The following ALKBH3 variants were observed in gnomAD, a reference collection of about 807,000 sequenced individuals.
ALKBH3 encodes the protein alkB homolog 3, alpha-ketoglutarate dependent dioxygenase, also known as alpha-ketoglutarate-dependent dioxygenase alkB homolog 3.
In ALKBH3, 51 loss-of-function variants were observed where a neutral mutation model predicts 43.9. The observed-to-expected ratio is 1.16, with a 90% CI of 0.93 to 1.47. ALKBH3 has a LOEUF of 1.47. ALKBH3 is among the 40% of genes most tolerant of loss of function. The pLI, the probability that ALKBH3 is intolerant of heterozygous loss-of-function variation, is 0.00. For synonymous variants in ALKBH3, 102 were observed against 115.2 expected (o/e 0.89, Z 0.73); for missense variants, 361 against 351.9 (o/e 1.03, Z -0.21).
At chr11:43,889,985 A>T (rs536487672) in intron 6 of ALKBH3, among the ~76,000 whole-genome samples, 157 bp downstream of exon 6, 1 of 152,332 alleles carries the variant, frequency 6.6e-6, no homozygotes, top group South Asian at 2.1e-4. Context: ...GACAGGGAAG[A>T]GTATTCCAGG....
At chr11:43,902,769 G>C (rs1013053850) in intron 8 of ALKBH3, among the ~76,000 whole-genome samples, 1 of 152,150 alleles carries the variant, frequency 6.6e-6, no homozygotes, top group Admixed American at 6.5e-5. Context: ...GCTAATTTTT[G>C]TATTTTTAGG....
chr11:43,884,021 AG>A lies in ALKBH3; in HGVS notation c.218+5del, dbSNP rs1565122098. On this transcript the variant is annotated splice_donor_5th_base_variant and intron_variant, in intron 4 of 9. Transcript: ENST00000302708. ...CTCCTGAGCCACGAGTGATTGAGTA[AG>A]TAATTTGCTGTCTTCCTGTAATTGT... 1 of 1,613,908 alleles carries A rather than the reference AG, an allele frequency of 6.2e-7. No individual in the cohort carries two copies. The highest frequency in any genetic ancestry group is 1.1e-5 in the South Asian group (1 of 91,066).
rs200314763 is a variant in ALKBH3 at position 43,919,681 on chromosome 11, A to G, written c.769-237A>G. 9.0e-6 allele frequency: 4 copies of G among 446,694 alleles called. No individual in the cohort carries two copies. The East Asian group carries it at 1.6e-4, about 18-fold the overall frequency. The allele number at this position is 446,694 out of a possible 1,614,324, so 27.7% of individuals were successfully genotyped here. A position where few individuals can be genotyped will look rare whatever the true frequency, so the allele number is the denominator to read the frequency against. ...CAGGTGTCTGAGAGGAACAGCAACA[A>G]TTAGAAAAGATGAAAATATCTCACT... On this transcript the variant is annotated intron_variant, in intron 9 of 9. Coordinates refer to ENST00000302708, the MANE Select transcript of ALKBH3 (RefSeq NM_139178.4).
At chr11:43,912,629 A>G (rs1037856887) in intron 8 of ALKBH3, 6 of 152,338 alleles carry the variant, frequency 3.9e-5, no homozygotes, top group Non-Finnish European at 5.9e-5. Flanking sequence ...TGGAAAACCA[A>G]CTGCCTCACT....
At position 43,901,605 on chromosome 11, in the gene ALKBH3, TGAG is replaced by T; in HGVS notation, c.550_552del (p.Glu184del). The T allele has an allele frequency of 6.2e-7, 1 of 1,614,244 alleles. No individual in the cohort carries two copies. The highest frequency in any genetic ancestry group is 8.5e-7 in the Non-Finnish European group (1 of 1,180,036). Reference sequence around the variant, plus strand: ...CCTTACTCTGCAATCTTTATCGCAATGAGAAGGACAGCGTGGACTGGCACAGTG... The same window carrying T: ...CCTTACTCTGCAATCTTTATCGCAATAAGGACAGCGTGGACTGGCACAGTG... On this transcript the variant is annotated inframe_deletion, in exon 8 of 10. Transcript: ENST00000302708.
chr11:43,899,193 T>C (rs1951842634), intron 7 of ALKBH3: 21 of 769,432 alleles, frequency 2.7e-5, no homozygotes, highest in South Asian at 2.5e-4. Context: ...GGGAACAATG[T>C]GCAGCTCATA....
At chr11:43,890,024 A>C (rs1341035469) in intron 6 of ALKBH3, among the ~76,000 whole-genome samples, 196 bp downstream of exon 6, 1 of 152,202 alleles carries the variant, frequency 6.6e-6, no homozygotes, top group Non-Finnish European at 1.5e-5. Flanking sequence ...GAAGGCCCAG[A>C]GATCAGAGAG....
At chr11:43,906,188 G>T (rs570151312) in intron 8 of ALKBH3, among the ~76,000 whole-genome samples, 2 of 152,302 alleles carry the variant, frequency 1.3e-5, no homozygotes, top group South Asian at 4.2e-4. Context: ...CAGGAGAGAT[G>T]ATTGTAAAAC....
intron 7 of ALKBH3, chr11:43,898,389 A>C: frequency 1.4e-6 from 1 of 701,154 alleles, no homozygotes. Context: ...GGGCCGTTCC[A>C]CAGGTCCTTC....
chr11:43,899,996 T>C (rs1021098102), intron 7 of ALKBH3, among the ~76,000 whole-genome samples: 11 of 151,936 alleles, frequency 7.2e-5, no homozygotes, highest in Non-Finnish European at 1.3e-4. Context: ...TTCCTTCATA[T>C]ACTTCAATAA....
At chr11:43,914,944 A>G (rs1439365072) in intron 8 of ALKBH3, among the ~76,000 whole-genome samples, 2 of 152,114 alleles carry the variant, frequency 1.3e-5, no homozygotes, top group Non-Finnish European at 2.9e-5. Context: ...GGTGGCTCAC[A>G]CCTGTAATCC....
At chr11:43,917,515 G>A (rs117459690) in intron 8 of ALKBH3, among the ~76,000 whole-genome samples, 1 of 152,204 alleles carries the variant, frequency 6.6e-6, no homozygotes, top group Non-Finnish European at 1.5e-5. Flanking sequence ...GCTTCTAGCT[G>A]TGTTGAACCT....
At position 43,919,902 on chromosome 11, in the gene ALKBH3, G is replaced by T. The variant is rs749355254; in HGVS notation, c.769-16G>T. 5.6e-6 allele frequency: 9 copies of T among 1,606,412 alleles called. No individual in the cohort carries two copies. The African/African-American group carries it at 1.2e-4, about 21-fold the overall frequency. On this transcript the variant is annotated splice_polypyrimidine_tract_variant and intron_variant, in intron 9 of 9. Transcript: ENST00000302708. Reference sequence around the variant, plus strand: ...ATGTGTGTATTTATGTCAGAGTTATGTGTATTTCCATTTAGCATCGAGTGC... The same window carrying T: ...ATGTGTGTATTTATGTCAGAGTTATTTGTATTTCCATTTAGCATCGAGTGC...
chr11:43,912,165 C>A (rs1951944735), intron 8 of ALKBH3: 1 of 152,290 alleles, frequency 6.6e-6, no homozygotes, highest in Non-Finnish European at 1.5e-5. Context: ...AGCATAGAGC[C>A]TCAAAGGTTG....
intron 8 of ALKBH3, among the ~76,000 whole-genome samples, chr11:43,902,885 C>T (rs1210519438): frequency 2.0e-5 from 3 of 152,268 alleles, no homozygotes; most frequent in Non-Finnish European, 4.4e-5. Flanking sequence ...GCATGAGCCA[C>T]TGCACCTGGC....
At chr11:43,897,271 T>G (rs1465864538) in intron 7 of ALKBH3, 1 of 573,478 alleles carries the variant, frequency 1.7e-6, no homozygotes, top group Non-Finnish European at 3.4e-6. Flanking sequence ...GCTGCTGGTA[T>G]GAGCGCCCGT....
At position 43,881,047 on chromosome 11, in the gene ALKBH3, G is replaced by C. The variant is rs1242695318; in HGVS notation, c.-203G>C. The stretch of plus-strand genomic sequence containing the variant: ...CATTCTAGGCCTCCTTAAAGAGAAG[G>C]ATCTAAATTAGGAAAAGGAAGTGCC... On this transcript the variant is annotated 5_prime_UTR_variant, in exon 1 of 10. Coordinates refer to ENST00000302708, the MANE Select transcript of ALKBH3 (RefSeq NM_139178.4). The C allele has an allele frequency of 6.6e-6, 1 of 152,344 alleles. No homozygotes were observed. Among genetic ancestry groups the C allele is most frequent in the Admixed American group, 6.5e-5 (1 of 15,284 alleles). 9.4% of individuals were successfully genotyped at this position (152,344 alleles called of 1,614,324 possible).
chr11:43,883,934 T>G (rs2271817), intron 3 of ALKBH3, 49 bp from the exon 4 acceptor site: 399,492 of 1,605,434 alleles, frequency 0.25, 53,894 homozygotes, highest in Admixed American at 0.47. Flanking sequence ...GTCAGTATCC[T>G]TGAGGATTAA....
chr11:43,882,128 G>A (rs1347021936), intron 1 of ALKBH3, among the ~76,000 whole-genome samples: 1 of 152,106 alleles, frequency 6.6e-6, no homozygotes, highest in African/African-American at 2.4e-5. Context: ...TCCTAAATCA[G>A]ATTTTCTGAA....
Sources: gnomAD v4.1 joint callset for allele counts (sites outside exome capture counted in the v4.1 genomes callset) on GRCh38, gnomAD v4.1.1 for gene constraint, MANE v1.5 for transcripts, NCBI Gene and HGNC (gene_info 2026-07-23, HGNC 2026-07-21) for gene names.